SATB2: variants seen among roughly 807,000 people sequenced by gnomAD.
SATB2 encodes SATB homeobox 2.
In SATB2, 1 loss-of-function variant was observed where a neutral mutation model predicts 73.4. The observed-to-expected ratio is 0.01, with a 90% CI of 0.00 to 0.06. The LOEUF is 0.06. Ranked by LOEUF, SATB2 falls within the 10% of genes least tolerant of loss-of-function variation. The pLI is 1.00. For missense variants in SATB2, 459 were observed against 945.8 expected, an observed-to-expected ratio of 0.49 and a Z score of 6.75; for synonymous variants, 397 against 367.0, an observed-to-expected ratio of 1.08 and a Z score of -0.93.
intron 6 of SATB2, among the ~76,000 whole-genome samples, chr2:199,354,155 C>T (rs1212016481): frequency 1.4e-4 from 21 of 152,036 alleles, no homozygotes; most frequent in Admixed American, 1.2e-3. Flanking sequence ...ATCAGGAGTT[C>T]GAGACCAGCC....
intron 7 of SATB2, among the ~76,000 whole-genome samples, chr2:199,339,888 T>G (rs1688453905): frequency 6.6e-6 from 1 of 152,164 alleles, no homozygotes; most frequent in South Asian, 2.1e-4. Flanking sequence ...CTCCCAAATA[T>G]TTTGGTTGCC....
At chr2:199,281,923 C>T (rs1476334514) in intron 10 of SATB2, among the ~76,000 whole-genome samples, 1 of 151,186 alleles carries the variant, frequency 6.6e-6, no homozygotes, top group Non-Finnish European at 1.5e-5. Context: ...GCTCTGTCGC[C>T]CAGGCTGGAG....
Position 199,349,676 on chromosome 2 carries a change from C to T in SATB2, c.701-503G>A, listed in dbSNP as rs190150834. ...GGAAATGTTCATTTAAAAATGTCTGCCACATAGTATATCCATTTATTGACT... is the reference window on the plus strand; with the variant it reads ...GGAAATGTTCATTTAAAAATGTCTGTCACATAGTATATCCATTTATTGACT... On this transcript the variant is annotated intron_variant, in intron 6 of 10. Coordinates refer to ENST00000417098, the MANE Select transcript of SATB2 (RefSeq NM_001172509.2). Among the ~76,000 whole-genome samples the T allele has an allele frequency of 6.0e-3, 910 of 152,218 alleles. 4 individuals carry two copies. The highest frequency in any genetic ancestry group is 0.011 in the Non-Finnish European group (750 of 68,006).
chr2:199,282,788 A>C (rs1692565215), intron 10 of SATB2, among the ~76,000 whole-genome samples: 1 of 152,232 alleles, frequency 6.6e-6, no homozygotes, highest in Non-Finnish European at 1.5e-5. Context: ...ACAGATCTAC[A>C]AATAGGCACA....
chr2:199,383,918 T>C (rs1013621704), intron 3 of SATB2, among the ~76,000 whole-genome samples: 4 of 152,184 alleles, frequency 2.6e-5, no homozygotes, highest in African/African-American at 9.6e-5. Context: ...GAAAGGGGCA[T>C]TACATAGGCA....
chr2:199,365,890 T>C (rs997448337), intron 6 of SATB2, among the ~76,000 whole-genome samples: 2 of 152,102 alleles, frequency 1.3e-5, no homozygotes, highest in Admixed American at 6.6e-5. Context: ...TTTATTTCTA[T>C]GAGAAGAGAA....
intron 5 of SATB2, among the ~76,000 whole-genome samples, chr2:199,376,881 G>C (rs1054358143): frequency 6.6e-6 from 1 of 152,178 alleles, no homozygotes; most frequent in Non-Finnish European, 1.5e-5. Flanking sequence ...GAAAAGAATA[G>C]TGCATTCTAG....
intron 10 of SATB2, among the ~76,000 whole-genome samples, chr2:199,286,303 A>G (rs1692686398): frequency 1.3e-5 from 2 of 152,200 alleles, no homozygotes; most frequent in African/African-American, 4.8e-5. Flanking sequence ...CTCTCCAGTT[A>G]GAACCTGAGG....
At chr2:199,325,344 C>A in intron 8 of SATB2, 1 of 152,170 alleles carries the variant, frequency 6.6e-6, no homozygotes, top group Admixed American at 6.6e-5. Flanking sequence ...AGGATCTTAA[C>A]CTAGGACACC....
chr2:199,387,232 T>C (rs1689988870), intron 3 of SATB2, among the ~76,000 whole-genome samples: 1 of 152,150 alleles, frequency 6.6e-6, no homozygotes, highest in African/African-American at 2.4e-5. Flanking sequence ...TGGGCCAATA[T>C]CCTTTCTGCT....
At chr2:199,393,115 G>A (rs1206855452) in intron 3 of SATB2, among the ~76,000 whole-genome samples, 2 of 151,936 alleles carry the variant, frequency 1.3e-5, no homozygotes, top group Admixed American at 6.6e-5. Flanking sequence ...AAGGCATCAG[G>A]GACCACCCAC....
At chr2:199,287,126 C>G (rs1692713038) in intron 10 of SATB2, among the ~76,000 whole-genome samples, 1 of 152,142 alleles carries the variant, frequency 6.6e-6, no homozygotes, top group South Asian at 2.1e-4. Flanking sequence ...AATAGTTAAT[C>G]CAGCTGGCTC....
At chr2:199,392,228 G>A (rs1414965178) in intron 3 of SATB2, among the ~76,000 whole-genome samples, 3 of 151,846 alleles carry the variant, frequency 2.0e-5, no homozygotes, top group Non-Finnish European at 4.4e-5. Context: ...CAAAAGAGCA[G>A]AAAAATCAAA....
At chr2:199,458,529 T>A (rs948199874), upstream of SATB2, 7 of 374,786 alleles carry the variant, frequency 1.9e-5, no homozygotes, top group Non-Finnish European at 3.1e-5. Context: ...CAGGGTCTGG[T>A]CCTCCTCCTT....
At chr2:199,350,451 G>A (rs1688782346) in intron 6 of SATB2, among the ~76,000 whole-genome samples, 1 of 152,128 alleles carries the variant, frequency 6.6e-6, no homozygotes, top group Non-Finnish European at 1.5e-5. Flanking sequence ...GACAGACACT[G>A]ATGCCAAATC....
chr2:199,371,277 A>T (rs1486385019), intron 5 of SATB2, among the ~76,000 whole-genome samples: 1 of 152,176 alleles, frequency 6.6e-6, no homozygotes, highest in African/African-American at 2.4e-5. Context: ...ACTAGGCTTC[A>T]CTAGAATGCT....
At chr2:199,348,659 C>G in intron 7 of SATB2, 42 bp downstream of exon 7, 1 of 1,401,346 alleles carries the variant, frequency 7.1e-7, no homozygotes, top group Non-Finnish European at 9.9e-7. Context: ...CAATTCTGTC[C>G]CCAGTATTAC....
chr2:199,309,577 G>A (rs750979664), intron 9 of SATB2, among the ~76,000 whole-genome samples: 12 of 152,200 alleles, frequency 7.9e-5, no homozygotes, highest in Non-Finnish European at 1.6e-4. Context: ...GTAGGCAGTT[G>A]GTCAGGTCAC....
rs372830951 is a variant in SATB2, at chr2:199,323,508, C to CACACACACACATAT, written c.1542+294_1542+295insATATGTGTGTGTGT. Among the ~76,000 whole-genome samples the CACACACACACATAT allele has an allele frequency of 0.018, 2,629 of 144,294 alleles. 41 individuals carry two copies. The highest frequency in any genetic ancestry group is 0.055 in the South Asian group (237 of 4,334). 94.7% of individuals were successfully genotyped at this position (144,294 alleles called of 152,430 possible). On this transcript the variant is annotated intron_variant, in intron 9 of 10. Transcript: ENST00000417098. Reference sequence around the variant, plus strand: ...ACACACACACACACACACACACACACATATATAAAGGGAGAGAAACAAAAG... The same window carrying CACACACACACATAT: ...ACACACACACACACACACACACACACACACACACACATATATATATAAAGGGAGAGAAACAAAAG...
Sources: gnomAD v4.1 joint callset for allele counts (sites outside exome capture counted in the v4.1 genomes callset) on GRCh38, gnomAD v4.1.1 for gene constraint, MANE v1.5 for transcripts, NCBI Gene and HGNC (gene_info 2026-07-23, HGNC 2026-07-21) for gene names.